Variants in PCNX2 observed in about 807,000 individuals in gnomAD.
PCNX2 encodes pecanex 2, also known as pecanex-like protein 2.
Under a neutral mutation model 223.8 loss-of-function variants are expected in PCNX2, and 168 were observed. The ratio of observed to expected loss-of-function variants is 0.75; its 90% CI spans 0.66 to 0.85. The LOEUF is 0.85. Ranked by LOEUF, PCNX2 falls within the 40% of genes least tolerant of loss-of-function variation. The probability of loss-of-function intolerance (pLI) is 0.00; values close to 1 mark genes in which losing one functional copy is unlikely to be tolerated. For missense variants in PCNX2, 2,507 were observed against 2,675.5 expected (o/e 0.94, Z 1.39); for synonymous variants, 1,006 against 1,052.6 (o/e 0.96, Z 0.86).
chr1:233,151,899 T>C (rs1306231871), intron 19 of PCNX2, among the ~76,000 whole-genome samples: 1 of 152,230 alleles, frequency 6.6e-6, no homozygotes, highest in Non-Finnish European at 1.5e-5. Context: ...CCAGCCTTTT[T>C]AATGCTAGCC....
intron 1 of PCNX2, among the ~76,000 whole-genome samples, chr1:233,272,836 G>T (rs1660713527): frequency 6.6e-6 from 1 of 152,166 alleles, no homozygotes; most frequent in Non-Finnish European, 1.5e-5. Flanking sequence ...TGAAATAATT[G>T]CATTCACAGC....
At position 233,259,308 on chromosome 1, in the gene PCNX2, A is replaced by C; in HGVS notation, c.554T>G (p.Val185Gly). Reference sequence around the variant, plus strand: ...TTTGATACCAGGTGAGGTAGATGACACTGGTGCTATGGGATGGTCTTCTAA... The same window carrying C: ...TTTGATACCAGGTGAGGTAGATGACCCTGGTGCTATGGGATGGTCTTCTAA... Reference protein sequence around the residue: ...ILLEDHPIAPVSSTSPGIKVE... With the variant: ...ILLEDHPIAPGSSTSPGIKVE... The change falls in exon 5 of 34, where the codon GTG becomes GGG. Residue 185 changes from valine to glycine, a missense_variant. Coordinates refer to ENST00000258229, the MANE Select transcript of PCNX2 (RefSeq NM_014801.4). 1 of 1,613,776 alleles carries C rather than the reference A, an allele frequency of 6.2e-7. No individual in the cohort carries two copies. Among genetic ancestry groups the C allele is most frequent in the Non-Finnish European group, 8.5e-7 (1 of 1,179,758 alleles).
the PCNX2 span, among the ~76,000 whole-genome samples, chr1:233,325,425 G>T: frequency 6.6e-6 from 1 of 151,586 alleles, no homozygotes; most frequent in Non-Finnish European, 1.5e-5. Context: ...TTGGGAGGCC[G>T]AGGGGGGCGG....
rs1230405319 is a variant in PCNX2 at position 233,227,234 on chromosome 1, T to C, written c.2496A>G (p.Leu832=). 2.5e-6 allele frequency: 4 copies of C among 1,612,188 alleles called. No individual in the cohort carries two copies. The highest frequency in any genetic ancestry group is 3.4e-6 in the Non-Finnish European group (4 of 1,179,104). ...VWYDRLTLLA[L]LDRTEDIKEN... is the part of the protein sequence containing the mutation. ...CATGCTCAGTGGCTTACCGATCAAG[T>C]AATGCCAGCAAGGTCAGTCGATCAT... The change falls in exon 10 of 34, where the codon TTA becomes TTG. Residue 832 remains leucine (L), a synonymous_variant. Coordinates refer to ENST00000258229, the MANE Select transcript of PCNX2 (RefSeq NM_014801.4).
intron 8 of PCNX2, among the ~76,000 whole-genome samples, chr1:233,246,270 T>C (rs912906725): frequency 2.6e-5 from 4 of 152,166 alleles, no homozygotes; most frequent in Admixed American, 2.0e-4. Flanking sequence ...GCCCTTCAGA[T>C]GGGATGAATG....
intron 31 of PCNX2, among the ~76,000 whole-genome samples, chr1:232,998,681 G>T (rs1669962997): frequency 6.6e-6 from 1 of 152,186 alleles, no homozygotes; most frequent in Non-Finnish European, 1.5e-5. Context: ...TAGCACTGAG[G>T]CTTGATAGGG....
intron 10 of PCNX2, among the ~76,000 whole-genome samples, chr1:233,221,931 C>T (rs567954974): frequency 6.6e-6 from 1 of 152,344 alleles, no homozygotes; most frequent in African/African-American, 2.4e-5. Context: ...AGCAAAAGTG[C>T]TCCACACTGT....
chr1:233,285,270 T>C (rs186147448), intron 1 of PCNX2, among the ~76,000 whole-genome samples: 1 of 152,006 alleles, frequency 6.6e-6, no homozygotes, highest in Non-Finnish European at 1.5e-5. Context: ...GAGGATCATA[T>C]GAGCCCAAGT....
intron 21 of PCNX2, among the ~76,000 whole-genome samples, chr1:233,134,245 C>T (rs77493563): frequency 0.02 from 3,009 of 152,178 alleles, 37 homozygotes; most frequent in East Asian, 0.051. Flanking sequence ...AAGAGTTGTT[C>T]CAAATTTCTT....
chr1:233,044,755 A>G (rs1241112490), intron 25 of PCNX2, among the ~76,000 whole-genome samples: 1 of 150,642 alleles, frequency 6.6e-6, no homozygotes, highest in Admixed American at 6.6e-5. Flanking sequence ...TGCAACCTCC[A>G]CTTCTCAGAT....
Position 233,000,435 on chromosome 1 carries a change from G to C in PCNX2, c.5198C>G (p.Pro1733Arg), listed in dbSNP as rs201255337. ...GGACAGCACTGCGCCCCGCCAGGCC[G>C]GGTCGCCCTCGTGGCAGATGACCAC... ...KKVVICHEGDPAWRGAVLSNK... is the reference protein window; with the variant it reads ...KKVVICHEGDRAWRGAVLSNK... The change falls in exon 30 of 34, where the codon CCG (proline) becomes CGG (arginine). Residue 1733 changes from proline to arginine, a missense_variant. Pro to Arg is a moderately radical substitution (Grantham distance 103). Transcript: ENST00000258229. This position sits in a 1 kb window ranked among gnomAD's most constrained non-coding sequence, Gnocchi z 4.6. 1 of 1,600,894 alleles carries C rather than the reference G, an allele frequency of 6.2e-7. No individual in the cohort carries two copies. The highest frequency in any genetic ancestry group is 8.5e-7 in the Non-Finnish European group (1 of 1,172,140).
chr1:233,288,957 T>C, intron 1 of PCNX2: 2 of 1,511,574 alleles, frequency 1.3e-6, no homozygotes, highest in Non-Finnish European at 1.8e-6. Flanking sequence ...TTCCACATTG[T>C]TCTGCTGTGC....
At chr1:233,243,435 T>C (rs72750083) in intron 8 of PCNX2, among the ~76,000 whole-genome samples, 1 of 152,352 alleles carries the variant, frequency 6.6e-6, no homozygotes, top group Non-Finnish European at 1.5e-5. Flanking sequence ...TCAAAGTTTA[T>C]GTTTGTTTAC....
chr1:233,228,868 G>A (rs1657894720), intron 9 of PCNX2, among the ~76,000 whole-genome samples: 1 of 152,148 alleles, frequency 6.6e-6, no homozygotes. Context: ...TTTTTGTTTG[G>A]TTTTGCCTTG....
intron 25 of PCNX2, among the ~76,000 whole-genome samples, chr1:233,038,459 C>A (rs1318097814): frequency 6.6e-6 from 1 of 152,190 alleles, no homozygotes; most frequent in Non-Finnish European, 1.5e-5. Context: ...ATATGCAGAT[C>A]CTGTTCACGT....
In PCNX2 at chr1:233,000,652, C is replaced by T. The variant is rs912489308; in HGVS notation, c.5098-117G>A. ...AAAGCTAAGCTCTTTCCTCATCTTC[C>T]TCTCTCCTGTTCTTTTTCCAAATCC... On this transcript the variant is annotated intron_variant, in intron 29 of 33. Coordinates refer to ENST00000258229, the MANE Select transcript of PCNX2 (RefSeq NM_014801.4). The surrounding 1 kb of genome is among the most constrained non-coding windows in gnomAD (Gnocchi z 4.6). 3 of 777,708 alleles carry T rather than the reference C, an allele frequency of 3.9e-6. No individual in the cohort carries two copies. The highest frequency in any genetic ancestry group is 2.7e-5 in the East Asian group (1 of 37,380). The allele number at this position is 777,708 out of a possible 1,614,324, so 48.2% of individuals were successfully genotyped here. A position where few individuals can be genotyped will look rare whatever the true frequency, so the allele number is the denominator to read the frequency against.
Position 233,250,850 on chromosome 1 carries a change from T to G in PCNX2, c.2129-18A>C. The G allele has an allele frequency of 6.4e-7, 1 of 1,560,660 alleles. No individual in the cohort carries two copies. The highest frequency in any genetic ancestry group is 8.7e-7 in the Non-Finnish European group (1 of 1,151,624). ...AATTTCCCCTGTAAAATCAGAAAAT[T>G]TCAGCAAAGAATATGACATAATTAT... On this transcript the variant is annotated intron_variant, in intron 7 of 33. Coordinates refer to ENST00000258229, the MANE Select transcript of PCNX2 (RefSeq NM_014801.4).
chr1:233,019,188 A>G (rs1670789390), intron 26 of PCNX2: 2 of 985,342 alleles, frequency 2.0e-6, no homozygotes, highest in Non-Finnish European at 1.2e-6. Context: ...GACTGAGGAC[A>G]GCCTGGACTT....
the PCNX2 span, among the ~76,000 whole-genome samples, chr1:233,324,744 G>C: frequency 2.0e-5 from 3 of 151,792 alleles, no homozygotes; most frequent in Non-Finnish European, 4.4e-5. Flanking sequence ...GGGATTACAG[G>C]TGTGCATCAC....
Sources: gnomAD v4.1 joint callset for allele counts (sites outside exome capture counted in the v4.1 genomes callset) on GRCh38, gnomAD v4.1.1 for gene constraint, Gnocchi (gnomAD v3.1) non-coding constraint, MANE v1.5 for transcripts, NCBI Gene and HGNC (gene_info 2026-07-23, HGNC 2026-07-21) for gene names.